The following PRDM15 variants were observed in gnomAD, a reference collection of about 807,000 sequenced individuals.
PRDM15 encodes the protein PR/SET domain 15, also known as PR domain zinc finger protein 15.
PRDM15 carries 64 observed loss-of-function variants against 128.6 expected under a neutral mutation model. The ratio of observed to expected loss-of-function variants is 0.50; its 90% CI spans 0.41 to 0.61. The LOEUF is 0.61. Among genes scored for constraint, PRDM15 ranks in the 20% least tolerant of loss-of-function variants. The pLI is 0.00. For missense variants in PRDM15, 1,242 were observed against 1,569.1 expected (o/e 0.79, Z 3.52); for synonymous variants, 615 against 621.8 (o/e 0.99, Z 0.16).
chr21:41,856,865 C>T (rs977393888), intron 4 of PRDM15, among the ~76,000 whole-genome samples: 1 of 152,204 alleles, frequency 6.6e-6, no homozygotes, highest in Non-Finnish European at 1.5e-5. Flanking sequence ...GACGCTGCCT[C>T]GTAAAGCCTG....
Position 41,820,104 on chromosome 21 carries a change from T to C in PRDM15, c.2131A>G (p.Ile711Val). 1 of 1,613,046 alleles carries C rather than the reference T, an allele frequency of 6.2e-7. No individual in the cohort carries two copies. Among genetic ancestry groups the C allele is most frequent in the Non-Finnish European group, 8.5e-7 (1 of 1,179,146 alleles). The change falls in exon 17 of 24, where the codon ATC (isoleucine) becomes GTC (valine). Residue 711 changes from isoleucine (I) to valine (V), a missense_variant. Ile to Val is a conservative substitution (Grantham distance 29). Around this residue, in one of 3 missense-constraint regions of PRDM15, gnomAD observed 602 missense variants for 788.3 expected, o/e 0.76. Coordinates refer to ENST00000398548, the MANE Select transcript of PRDM15 (RefSeq NM_001040424.3). ...GCTGACAGACACGCACCTGTGTGGA[T>C]GAGCTTGTGGCGCTCCAGGTTCCCG... ...SIGNLERHKL[I>V]HTGVKSHACE...
At chr21:41,870,653 GCCCC>G (rs1317451062) in intron 1 of PRDM15, 2 of 152,188 alleles carry the variant, frequency 1.3e-5, no homozygotes, top group African/African-American at 4.8e-5. Context: ...CACGGCAGAG[GCCCC>G]GAAAAGTCCT....
At chr21:41,815,061 G>C (rs2062003951) in intron 19 of PRDM15, 3 of 154,876 alleles carry the variant, frequency 1.9e-5, no homozygotes, top group Non-Finnish European at 4.3e-5. Flanking sequence ...TGTTTTCTAA[G>C]ATCTTGGCCT....
chr21:41,819,861 G>T, intron 17 of PRDM15, 160 bp from the exon 18 acceptor site: 1 of 932,592 alleles, frequency 1.1e-6, no homozygotes, highest in Non-Finnish European at 1.6e-6. Context: ...AGCCCTCCCG[G>T]GGATCCTGTG....
intron 14 of PRDM15, 98 bp from the exon 15 acceptor site, chr21:41,822,135 G>A: frequency 2.0e-6 from 3 of 1,531,542 alleles, no homozygotes; most frequent in East Asian, 2.3e-5. Context: ...CCCAGATGCA[G>A]AAGAAAATGC....
Position 41,801,089 on chromosome 21 carries a change from G to T in PRDM15, c.*151C>A. ...GTTAAGCTGACAGACCGTAATGGTT[G>T]CTGGCGGGGGATCTGGAGATACTCT... On this transcript the variant is annotated 3_prime_UTR_variant, in exon 24 of 24. Transcript: ENST00000398548. The T allele has an allele frequency of 8.8e-7, 1 of 1,134,176 alleles. No homozygotes were observed. Among genetic ancestry groups the T allele is most frequent in the Non-Finnish European group, 1.2e-6 (1 of 814,868 alleles). The allele number at this position is 1,134,176 out of a possible 1,614,324, so 70.3% of individuals were successfully genotyped here.
At position 41,838,067 on chromosome 21, in the gene PRDM15, T is replaced by A; in HGVS notation, c.872-4A>T. The A allele has an allele frequency of 6.2e-7, 1 of 1,613,708 alleles. No homozygotes were observed. Among genetic ancestry groups the A allele is most frequent in the East Asian group, 2.2e-5 (1 of 44,862 alleles). ...GTAATGATCTCTGCCACTTGCTCTG[T>A]ACGAAGGGGATGTGACAAGCTAAGT... On this transcript the variant is annotated splice_region_variant and splice_polypyrimidine_tract_variant and intron_variant, in intron 7 of 23. Coordinates refer to ENST00000398548, the MANE Select transcript of PRDM15 (RefSeq NM_001040424.3).
intron 3 of PRDM15, 61 bp from the exon 4 acceptor site, chr21:41,857,390 A>G (rs1403937706): frequency 2.5e-6 from 4 of 1,575,882 alleles, no homozygotes; most frequent in Non-Finnish European, 3.5e-6. Flanking sequence ...CCGACTCGTT[A>G]AGATAACCTA....
At chr21:41,839,942 T>G (rs557510746) in intron 6 of PRDM15, 89 bp from the exon 7 acceptor site, 6 of 1,083,020 alleles carry the variant, frequency 5.5e-6, no homozygotes, top group South Asian at 1.4e-5. Context: ...TGTGTGTGTG[T>G]TTTCAATCTT....
At chr21:41,858,226 C>A (rs1271726654) in intron 3 of PRDM15, among the ~76,000 whole-genome samples, 1 of 152,250 alleles carries the variant, frequency 6.6e-6, no homozygotes, top group African/African-American at 2.4e-5. Flanking sequence ...GGACTGGGGT[C>A]TGGGGAGGAA....
At position 41,828,313 on chromosome 21, in the gene PRDM15, C is replaced by T. The variant is rs538016927; in HGVS notation, c.1387G>A (p.Glu463Lys). Residue 463 changes from glutamate (E) to lysine (K), a missense_variant, in exon 12 of 24, where the codon GAG (glutamate) becomes AAG (lysine). Glu to Lys is a moderately conservative substitution (Grantham distance 56). Coordinates refer to ENST00000398548, the MANE Select transcript of PRDM15 (RefSeq NM_001040424.3). This position sits in a 1 kb window ranked among gnomAD's most constrained non-coding sequence, Gnocchi z 5.7. The stretch of plus-strand genomic sequence containing the variant: ...GTGGAGAAGAATCTGAAACACATCT[C>T]ACATTGGAACGTCTTGTCATCTGTC... ...CRTDDKTFQC[E>K]MCFRFFSTNS... The T allele has an allele frequency of 1.6e-5, 26 of 1,614,036 alleles. No homozygotes were observed. Among genetic ancestry groups the T allele is most frequent in the Non-Finnish European group, 2.1e-5 (25 of 1,179,962 alleles).
chr21:41,823,029 CA>C (rs33972733), intron 14 of PRDM15, among the ~76,000 whole-genome samples: 28,415 of 89,762 alleles, frequency 0.32, 2,452 homozygotes, highest in African/African-American at 0.4. Context: ...GACTCCGTCT[CA>C]AAAAAAAAAA....
At chr21:41,835,198 C>T (rs1346668430) in intron 11 of PRDM15, among the ~76,000 whole-genome samples, 2 of 152,182 alleles carry the variant, frequency 1.3e-5, no homozygotes, top group East Asian at 1.9e-4. Context: ...TGGGGCCATA[C>T]GCAGCTCGGC....
At chr21:41,852,850 G>A (rs115649467) in intron 5 of PRDM15, among the ~76,000 whole-genome samples, 1,947 of 152,314 alleles carry the variant, frequency 0.013, 49 homozygotes, top group African/African-American at 0.044. Flanking sequence ...GAGGATGTGT[G>A]CAGATGTCAT....
chr21:41,832,268 G>A lies in PRDM15; in HGVS notation c.1366+3169C>T, dbSNP rs1318569368. On this transcript the variant is annotated intron_variant, in intron 11 of 23. Transcript: ENST00000398548. This position sits in a 1 kb window ranked among gnomAD's most constrained non-coding sequence, Gnocchi z 4.2. Reference sequence around the variant, plus strand: ...AATTCTTAGGAATGGGACCACTAGAGCCAAGCGCTTTGTGAAAGGCCACAC... The same window carrying A: ...AATTCTTAGGAATGGGACCACTAGAACCAAGCGCTTTGTGAAAGGCCACAC... Among the ~76,000 whole-genome samples the A allele has an allele frequency of 1.3e-5, 2 of 152,168 alleles. No homozygotes were observed. The highest frequency in any genetic ancestry group is 4.8e-5 in the African/African-American group (2 of 41,440).
At chr21:41,805,083 G>A (rs2061520312) in intron 21 of PRDM15, among the ~76,000 whole-genome samples, 1 of 152,176 alleles carries the variant, frequency 6.6e-6, no homozygotes, top group East Asian at 1.9e-4. Flanking sequence ...TTGGTTTTGT[G>A]ATGAAGTGAC....
intron 19 of PRDM15, chr21:41,814,408 G>T: frequency 1.5e-5 from 1 of 64,546 alleles, no homozygotes; most frequent in Admixed American, 1.7e-4. Context: ...AGAATGCCTT[G>T]TGTTAGTGAT....
At position 41,859,568 on chromosome 21, in the gene PRDM15, C is replaced by A; in HGVS notation, c.131+24G>T. 2 of 1,600,206 alleles carry A rather than the reference C, an allele frequency of 1.2e-6. No individual in the cohort carries two copies. The highest frequency in any genetic ancestry group is 1.7e-6 in the Non-Finnish European group (2 of 1,168,322). ...TGCCGCAGCTGGCATATGGAAGGCCCGGGAGCTCACGGCGGTCACTCACCT... is the reference window on the plus strand; with the variant it reads ...TGCCGCAGCTGGCATATGGAAGGCCAGGGAGCTCACGGCGGTCACTCACCT... On this transcript the variant is annotated intron_variant, in intron 3 of 23. Coordinates refer to ENST00000398548, the MANE Select transcript of PRDM15 (RefSeq NM_001040424.3). This position sits in a 1 kb window ranked among gnomAD's most constrained non-coding sequence, Gnocchi z 5.3.
Position 41,821,966 on chromosome 21 carries a change from G to T in PRDM15, c.1833C>A (p.Asn611Lys). The T allele has an allele frequency of 1.2e-6, 2 of 1,614,132 alleles. No homozygotes were observed. Among genetic ancestry groups the T allele is most frequent in the South Asian group, 2.2e-5 (2 of 91,080 alleles). The stretch of plus-strand genomic sequence containing the variant: ...CTGCGCTCTCGTCAGAATTGTCATC[G>T]TTTTCTTCCGAGGAGATCCCGATCT... Reference protein sequence around the residue: ...IGKIGISSEENDDNSDESADS... With the variant: ...IGKIGISSEEKDDNSDESADS... Residue 611 changes from asparagine (N) to lysine (K), a missense_variant, in exon 15 of 24, where the codon AAC (asparagine) becomes AAA (lysine). Asn to Lys is a moderately conservative substitution (Grantham distance 94, BLOSUM62 0). This residue lies in a region of PRDM15 where 602 missense variants were observed against 788.3 expected (regional missense o/e 0.76). Transcript: ENST00000398548. The surrounding 1 kb of genome is among the most constrained non-coding windows in gnomAD (Gnocchi z 5.4).
Sources: gnomAD v4.1 joint callset for allele counts (sites outside exome capture counted in the v4.1 genomes callset) on GRCh38, gnomAD v4.1.1 for gene constraint, gnomAD v4.1.1 regional missense constraint, Gnocchi (gnomAD v3.1) non-coding constraint, MANE v1.5 for transcripts, NCBI Gene and HGNC (gene_info 2026-07-23, HGNC 2026-07-21) for gene names.